PYGL: variants seen among roughly 807,000 people sequenced by gnomAD.
The protein encoded by PYGL is glycogen phosphorylase, liver form.
A neutral mutation model predicts 100.1 loss-of-function variants in PYGL; 90 were observed. The ratio of observed to expected loss-of-function variants is 0.90; its 90% CI spans 0.76 to 1.07. PYGL has a LOEUF of 1.07. PYGL is among the 50% of genes least tolerant of loss of function. The pLI is 0.00. For synonymous variants in PYGL, 373 were observed against 393.0 expected (o/e 0.95, Z 0.60); for missense variants, 1,016 against 1,057.6 (o/e 0.96, Z 0.55).
Position 50,944,372 on chromosome 14 carries a change from C to T in PYGL, c.32G>A (p.Arg11Gln). 6.2e-7 allele frequency: 1 copy of T among 1,613,378 alleles called. No homozygotes were observed. The highest frequency in any genetic ancestry group is 8.5e-7 in the Non-Finnish European group (1 of 1,179,780). The change falls in exon 1 of 20, where the codon CGG becomes CAG. Residue 11 changes from arginine to glutamine, a missense_variant. Physicochemically the swap from Arg to Gln is conservative, Grantham distance 43. Coordinates refer to ENST00000216392, the MANE Select transcript of PYGL (RefSeq NM_002863.5). The part of the protein sequence containing the change: MAKPLTDQEK[R>Q]RQISIRGIVG... ...GATGCCGCGGATGCTGATCTGCCGC[C>T]GCTTCTCCTGGTCCGTCAGGGGCTT...
At chr14:50,916,606 G>T in intron 9 of PYGL, 36 bp downstream of exon 9, 1 of 1,550,924 alleles carries the variant, frequency 6.4e-7, no homozygotes, top group Non-Finnish European at 8.9e-7. Flanking sequence ...AGCCATTCTG[G>T]TTAATTAAAG....
chr14:50,944,409 G>C lies in PYGL; in HGVS notation c.-6C>G, dbSNP rs1389034064. ...TCCGTCAGGGGCTTCGCCATGGCTGGGGCGGCGGGCTGCGCGGCGGGCTGC... is the reference window on the plus strand; with the variant it reads ...TCCGTCAGGGGCTTCGCCATGGCTGCGGCGGCGGGCTGCGCGGCGGGCTGC... On this transcript the variant is annotated 5_prime_UTR_variant, in exon 1 of 20. Transcript: ENST00000216392. 2 of 1,606,024 alleles carry C rather than the reference G, an allele frequency of 1.2e-6. No homozygotes were observed. The highest frequency in any genetic ancestry group is 1.7e-6 in the Non-Finnish European group (2 of 1,177,574).
intron 11 of PYGL, 40 bp from the exon 12 acceptor site, chr14:50,914,855 C>T (rs370702720): frequency 3.0e-5 from 44 of 1,459,544 alleles, no homozygotes; most frequent in African/African-American, 2.9e-4. Context: ...TTGGCTGAAA[C>T]GGCAAAGGGT....
chr14:50,944,268 C>T lies in PYGL; in HGVS notation c.136G>A (p.Val46Met). 6.2e-7 allele frequency: 1 copy of T among 1,613,944 alleles called. No homozygotes were observed. Among genetic ancestry groups the T allele is most frequent in the Non-Finnish European group, 8.5e-7 (1 of 1,179,916 alleles). Residue 46 changes from valine to methionine, a missense_variant, in exon 1 of 20, where the codon GTG becomes ATG. Physicochemically the swap from Val to Met is conservative, Grantham distance 21 (BLOSUM62 1). Coordinates refer to ENST00000216392, the MANE Select transcript of PYGL (RefSeq NM_002863.5). Reference protein sequence around the residue: ...LHFTLVKDRNVATTRDYYFAL... With the variant: ...LHFTLVKDRNMATTRDYYFAL... The stretch of plus-strand genomic sequence containing the variant: ...AAGTAGTAGTCGCGGGTGGTGGCCA[C>T]GTTGCGGTCCTTGACCAGCGTGAAG...
chr14:50,944,437 A>C lies in PYGL; in HGVS notation c.-34T>G. ...CGGCGGGCTGCGCGGCGGGCTGCGC[A>C]GAGAGCTGGAAGTGCGGCCGGAGGC... is the stretch of plus-strand genomic sequence containing the variant. On this transcript the variant is annotated 5_prime_UTR_variant, in exon 1 of 20. Transcript: ENST00000216392. The C allele has an allele frequency of 3.2e-6, 5 of 1,575,874 alleles. No homozygotes were observed. The highest frequency in any genetic ancestry group is 4.3e-6 in the Non-Finnish European group (5 of 1,164,742).
Position 50,931,666 on chromosome 14 carries a change from C to A in PYGL, c.528+7G>T. On this transcript the variant is annotated splice_region_variant and intron_variant, in intron 4 of 19. Coordinates refer to ENST00000216392, the MANE Select transcript of PYGL (RefSeq NM_002863.5). ...AATGACAAAATTTAAAAAGATGGCT[C>A]ACACACCTGCCATCCATCTCGGATC... 2 of 1,609,122 alleles carry A rather than the reference C, an allele frequency of 1.2e-6. No homozygotes were observed. The highest frequency in any genetic ancestry group is 1.7e-6 in the Non-Finnish European group (2 of 1,175,610).
intron 1 of PYGL, among the ~76,000 whole-genome samples, chr14:50,938,111 T>C (rs1320362669): frequency 6.6e-6 from 1 of 152,248 alleles, no homozygotes; most frequent in Non-Finnish European, 1.5e-5. Flanking sequence ...CTGCACAAGA[T>C]ACAGGTCACA....
chr14:50,937,911 G>A (rs1407600297), intron 1 of PYGL, 74 bp from the exon 2 acceptor site: 1 of 1,301,776 alleles, frequency 7.7e-7, no homozygotes, highest in African/African-American at 1.5e-5. Context: ...ACAAGGTCAT[G>A]TGTTAGGTCA....
At chr14:50,917,662 G>A (rs555409913) in intron 7 of PYGL, among the ~76,000 whole-genome samples, 2 of 151,600 alleles carry the variant, frequency 1.3e-5, no homozygotes, top group Admixed American at 1.3e-4. Context: ...GCCATGGACC[G>A]TGTGGAGAAC....
Position 50,908,841 on chromosome 14 carries a change from G to A in PYGL, c.2292C>T (p.Asn764=), listed in dbSNP as rs2050360282. 1.3e-6 allele frequency: 2 copies of A among 1,566,914 alleles called. No individual in the cohort carries two copies. Among genetic ancestry groups the A allele is most frequent in the Non-Finnish European group, 8.8e-7 (1 of 1,137,274 alleles). ...CTCACCTGTCATGATAAAATAGCATGTTGATGATATCTTTGAAGAGGTCAG... is the reference window on the plus strand; with the variant it reads ...CTCACCTGTCATGATAAAATAGCATATTGATGATATCTTTGAAGAGGTCAG... The part of the protein sequence containing the change: ...KQPDLFKDII[N]MLFYHDRFKV... Residue 764 remains asparagine (N), a synonymous_variant, in exon 18 of 20, where the codon AAC becomes AAT. Transcript: ENST00000216392.
At chr14:50,928,420 C>A (rs1000347948) in intron 4 of PYGL, among the ~76,000 whole-genome samples, 2 of 152,084 alleles carry the variant, frequency 1.3e-5, no homozygotes, top group Non-Finnish European at 2.9e-5. Flanking sequence ...GGTGTGGGTG[C>A]TAAGAGGCAA....
chr14:50,923,940 A>G, intron 5 of PYGL, 29 bp downstream of exon 5: 1 of 1,605,128 alleles, frequency 6.2e-7, no homozygotes, highest in Non-Finnish European at 8.5e-7. Flanking sequence ...TACTATACAA[A>G]ACGCTGGCTA....
chr14:50,906,111 G>A (rs1308046510), intron 19 of PYGL, among the ~76,000 whole-genome samples: 1 of 151,930 alleles, frequency 6.6e-6, no homozygotes, highest in Non-Finnish European at 1.5e-5. Flanking sequence ...ACTCCACTGG[G>A]GCTTCAAAAC....
At chr14:50,918,302 T>C (rs1264704765) in intron 7 of PYGL, among the ~76,000 whole-genome samples, 1 of 152,188 alleles carries the variant, frequency 6.6e-6, no homozygotes, top group Non-Finnish European at 1.5e-5. Flanking sequence ...AAAGTAGAAC[T>C]ACCATTTGAT....
At position 50,921,000 on chromosome 14, in the gene PYGL, C is replaced by T. The variant is rs1445713979; in HGVS notation, c.728G>A (p.Arg243His). 1.9e-6 allele frequency: 3 copies of T among 1,614,166 alleles called. No homozygotes were observed. Among genetic ancestry groups the T allele is most frequent in the Non-Finnish European group, 2.5e-6 (3 of 1,180,030 alleles). The change falls in exon 6 of 20, where the codon CGC (arginine) becomes CAC (histidine). Residue 243 changes from arginine to histidine, a missense_variant. Transcript: ENST00000216392. Reference sequence around the variant, plus strand: ...ATTTGGTGCCCGAGCAGACCAGAGGCGCATGGTGTTGACAGTGTTATTCAT... The same window carrying T: ...ATTTGGTGCCCGAGCAGACCAGAGGTGCATGGTGTTGACAGTGTTATTCAT... ...GYMNNTVNTM[R>H]LWSARAPNDF...
intron 7 of PYGL, among the ~76,000 whole-genome samples, chr14:50,918,898 A>C (rs974071216): frequency 6.6e-6 from 1 of 152,208 alleles, no homozygotes; most frequent in Non-Finnish European, 1.5e-5. Context: ...TGCATATAGA[A>C]TATCTGGGGC....
intron 1 of PYGL, among the ~76,000 whole-genome samples, chr14:50,938,955 C>T (rs1387721109): frequency 1.3e-5 from 2 of 152,094 alleles, no homozygotes; most frequent in African/African-American, 4.8e-5. Context: ...AGATTAACTC[C>T]CACACACCGC....
intron 7 of PYGL, among the ~76,000 whole-genome samples, chr14:50,918,656 G>A (rs765119186): frequency 6.6e-6 from 1 of 152,140 alleles, no homozygotes; most frequent in Non-Finnish European, 1.5e-5. Context: ...ATGATGTAAC[G>A]GACTTTGGGG....
chr14:50,916,040 C>T (rs1041069707), intron 9 of PYGL, 69 bp from the exon 10 acceptor site: 15 of 1,596,810 alleles, frequency 9.4e-6, no homozygotes, highest in Non-Finnish European at 1.1e-5. Flanking sequence ...CCAAACCCTT[C>T]TTCAACCCTG....
Sources: gnomAD v4.1 joint callset for allele counts (sites outside exome capture counted in the v4.1 genomes callset) on GRCh38, gnomAD v4.1.1 for gene constraint, MANE v1.5 for transcripts, NCBI Gene and HGNC (gene_info 2026-07-23, HGNC 2026-07-21) for gene names.